Variants in HELZ observed in about 807,000 individuals in gnomAD.
The protein encoded by HELZ is ATP-dependent RNA helicase with zinc finger domain.
Under a neutral mutation model 218.2 loss-of-function variants are expected in HELZ, and 23 were observed. That is an observed-to-expected ratio of 0.11 (90% CI 0.08 to 0.15). The LOEUF (loss-of-function observed/expected upper bound fraction) is 0.15. Among genes scored for constraint, HELZ ranks in the 10% least tolerant of loss-of-function variants. HELZ has a pLI of 1.00. For synonymous variants in HELZ, 814 were observed against 829.4 expected (o/e 0.98, Z 0.32); for missense variants, 1,813 against 2,353.7 (o/e 0.77, Z 4.75).
At chr17:67,088,722 A>G (rs1176475611) in intron 31 of HELZ, among the ~76,000 whole-genome samples, 2 of 152,252 alleles carry the variant, frequency 1.3e-5, no homozygotes, top group Non-Finnish European at 2.9e-5. Context: ...TTCTAAGCAC[A>G]GTATCTCAAT....
At chr17:67,193,110 AG>A (rs1234813906) in intron 9 of HELZ, among the ~76,000 whole-genome samples, 2 of 152,178 alleles carry the variant, frequency 1.3e-5, no homozygotes, top group African/African-American at 4.8e-5. Flanking sequence ...TGGGAGGCCA[AG>A]GCAGGAGGAT....
Position 67,107,556 on chromosome 17 carries a change from G to T in HELZ, c.4854C>A (p.Val1618=), listed in dbSNP as rs1448214041. 6.2e-6 allele frequency: 10 copies of T among 1,614,164 alleles called. No individual in the cohort carries two copies. The highest frequency in any genetic ancestry group is 7.6e-6 in the Non-Finnish European group (9 of 1,180,032). Residue 1618 remains valine (V), a synonymous_variant, in exon 31 of 33, where the codon GTC becomes GTA. Transcript: ENST00000358691. Reference sequence around the variant, plus strand: ...GGTCTGTACTGGATGGGGGAGATGGGACTGCTGGTGGGCTTCTACTCTGTA... The same window carrying T: ...GGTCTGTACTGGATGGGGGAGATGGTACTGCTGGTGGGCTTCTACTCTGTA... ...RQVQSRSPPA[V]PSPPSSTDHS... is the part of the protein sequence containing the mutation.
At chr17:67,135,381 TGCATGAAACCA>T (rs1254770457) in intron 23 of HELZ, among the ~76,000 whole-genome samples, 1 of 152,132 alleles carries the variant, frequency 6.6e-6, no homozygotes, top group East Asian at 1.9e-4. Context: ...GACAAACACA[TGCATGAAACCA>T]GCTCAGGACC....
At chr17:67,212,211 C>T (rs1437492445) in intron 5 of HELZ, among the ~76,000 whole-genome samples, 1 of 145,660 alleles carries the variant, frequency 6.9e-6, no homozygotes, top group African/African-American at 2.5e-5. Context: ...ATCCCAGCTA[C>T]TGGGGAGGCA....
chr17:67,171,722 C>T (rs1331850679), intron 13 of HELZ, among the ~76,000 whole-genome samples: 1 of 152,116 alleles, frequency 6.6e-6, no homozygotes, highest in Non-Finnish European at 1.5e-5. Flanking sequence ...CACACAAGCA[C>T]CCTCCATTGC....
At chr17:67,239,189 C>T (rs2143503400) in intron 3 of HELZ, among the ~76,000 whole-genome samples, 1 of 152,344 alleles carries the variant, frequency 6.6e-6, no homozygotes, top group South Asian at 2.1e-4. Flanking sequence ...CTCATCTGAA[C>T]AGAAGTGGAA....
rs552848223 is a variant in HELZ, at chr17:67,170,373, G to A, written c.1431-2577C>T. 2.6e-5 allele frequency among the ~76,000 whole-genome samples: 4 copies of A among 152,294 alleles called. No homozygotes were observed. The South Asian group carries it at 6.2e-4, about 24-fold the overall frequency. On this transcript the variant is annotated intron_variant, in intron 13 of 32. Coordinates refer to ENST00000358691, the MANE Select transcript of HELZ (RefSeq NM_014877.4). Reference sequence around the variant, plus strand: ...CTACTAAAAATACAAAAATTAGCTGGGCGTGGTGGCACATGCCTGTAATCC... The same window carrying A: ...CTACTAAAAATACAAAAATTAGCTGAGCGTGGTGGCACATGCCTGTAATCC...
chr17:67,171,095 A>G (rs2039297505), intron 13 of HELZ, among the ~76,000 whole-genome samples: 1 of 151,514 alleles, frequency 6.6e-6, no homozygotes, highest in African/African-American at 2.4e-5. Context: ...CCCTCTTCCA[A>G]GGACTTCTGT....
chr17:67,192,371 G>GA (rs1380382525), intron 9 of HELZ, among the ~76,000 whole-genome samples: 6 of 151,952 alleles, frequency 3.9e-5, no homozygotes, highest in Non-Finnish European at 8.8e-5. Context: ...CACCGTATTT[G>GA]AAAAAATGAG....
At chr17:67,233,623 A>AAT (rs1050107887) in intron 3 of HELZ, among the ~76,000 whole-genome samples, 19 of 152,160 alleles carry the variant, frequency 1.2e-4, no homozygotes, top group African/African-American at 4.6e-4. Flanking sequence ...CTGTTGCCCC[A>AAT]ATAATCTCTG....
chr17:67,235,807 C>T (rs990839324), intron 3 of HELZ, among the ~76,000 whole-genome samples: 4 of 126,584 alleles, frequency 3.2e-5, no homozygotes, highest in South Asian at 2.6e-4. Context: ...CCAGGCTGTA[C>T]GCAGTGGTGC....
Position 67,218,607 on chromosome 17 carries a change from T to G in HELZ, c.198A>C (p.Ser66=), listed in dbSNP as rs759372759. 1 of 1,613,896 alleles carries G rather than the reference T, an allele frequency of 6.2e-7. No individual in the cohort carries two copies. The highest frequency in any genetic ancestry group is 1.7e-5 in the Admixed American group (1 of 60,026). ...KIESLLYRIA[S]FLQLKNYVQA... ...AGTGTTTACTCACCAGTTGCAAAAA[T>G]GAGGCAATTCTGTAGAGAAGACTCT... The change falls in exon 4 of 33, where the codon TCA becomes TCC. Residue 66 remains serine (S), a synonymous_variant. Transcript: ENST00000358691.
chr17:67,150,037 CAGA>C (rs1156622819), intron 18 of HELZ, 52 bp from the exon 19 acceptor site: 1 of 1,019,572 alleles, frequency 9.8e-7, no homozygotes, highest in South Asian at 1.5e-5. Context: ...GCAACAAAGG[CAGA>C]AGGACTATAG....
At chr17:67,080,552 C>A (rs1161040665) in intron 32 of HELZ, among the ~76,000 whole-genome samples, 1 of 152,202 alleles carries the variant, frequency 6.6e-6, no homozygotes. Flanking sequence ...ATTTACCCAT[C>A]CAAAACCTTA....
At chr17:67,134,112 G>A (rs915365407) in intron 23 of HELZ, among the ~76,000 whole-genome samples, 14 of 152,082 alleles carry the variant, frequency 9.2e-5, no homozygotes, top group South Asian at 4.2e-4. Flanking sequence ...GACTAGGCGC[G>A]GTGGCTCACG....
chr17:67,136,707 A>G (rs74549003), intron 22 of HELZ, among the ~76,000 whole-genome samples: 1,602 of 152,292 alleles, frequency 0.011, 30 homozygotes, highest in African/African-American at 0.036. Flanking sequence ...AAGGACAAAT[A>G]CTATATAATT....
At chr17:67,159,340 C>T (rs1598342583) in intron 17 of HELZ, among the ~76,000 whole-genome samples, 1 of 151,652 alleles carries the variant, frequency 6.6e-6, no homozygotes, top group East Asian at 1.9e-4. Context: ...CACTTTTTTC[C>T]TCTTTTGTTT....
chr17:67,242,694 A>G (rs1221247611), intron 2 of HELZ, among the ~76,000 whole-genome samples: 2 of 152,080 alleles, frequency 1.3e-5, no homozygotes, highest in African/African-American at 4.8e-5. Context: ...AATAAAAATT[A>G]TATGAAATAA....
At chr17:67,127,399 C>A (rs1178425175) in intron 24 of HELZ, among the ~76,000 whole-genome samples, 1 of 152,036 alleles carries the variant, frequency 6.6e-6, no homozygotes, top group East Asian at 1.9e-4. Flanking sequence ...CCTAAAAATG[C>A]CAAATCACAA....
Sources: allele counts gnomAD v4.1 joint callset (sites outside exome capture counted in the v4.1 genomes callset), GRCh38; gene constraint gnomAD v4.1.1; transcripts MANE v1.5; gene names NCBI Gene and HGNC (gene_info 2026-07-23, HGNC 2026-07-21).